SORCS3: variants seen among roughly 807,000 people sequenced by gnomAD.
SORCS3 encodes sortilin related VPS10 domain containing receptor 3, also known as VPS10 domain-containing receptor SorCS3.
SORCS3 carries 57 observed loss-of-function variants against 146.3 expected under a neutral mutation model. The ratio of observed to expected loss-of-function variants is 0.39; its 90% CI spans 0.31 to 0.49. The LOEUF is 0.49. SORCS3 is among the 20% of genes least tolerant of loss of function. SORCS3 has a pLI of 0.92. For synonymous variants in SORCS3, 653 were observed against 618.5 expected, an observed-to-expected ratio of 1.06 and a Z score of -0.83; for missense variants, 1,341 against 1,575.5, an observed-to-expected ratio of 0.85 and a Z score of 2.52.
intron 7 of SORCS3, among the ~76,000 whole-genome samples, chr10:105,108,019 T>C (rs1463847024): frequency 6.9e-6 from 1 of 144,778 alleles, no homozygotes; most frequent in African/African-American, 2.5e-5. Context: ...CTAGAAACAG[T>C]GTTATATGAA....
intron 2 of SORCS3, among the ~76,000 whole-genome samples, chr10:104,910,399 G>T (rs1414092519): frequency 6.6e-6 from 1 of 152,134 alleles, no homozygotes; most frequent in Admixed American, 6.5e-5. Context: ...AATGTTTGTT[G>T]TAACATTGTT....
chr10:104,764,040 C>G (rs1295917057), intron 1 of SORCS3, among the ~76,000 whole-genome samples: 1 of 146,718 alleles, frequency 6.8e-6, no homozygotes, highest in African/African-American at 2.6e-5. Context: ...GTGGAAGGTA[C>G]TGGTAATTCA....
rs554258386 is a variant in SORCS3, at chr10:105,031,799, C to T, written c.955-11256C>T. ...CTGAAAACAGTTATAAACATCTTTC[C>T]TTATTGTTCAGTCTTCTCTACCAGC... is the stretch of plus-strand genomic sequence containing the variant. On this transcript the variant is annotated intron_variant, in intron 4 of 26. Coordinates refer to ENST00000369701, the MANE Select transcript of SORCS3 (RefSeq NM_014978.3). Among the ~76,000 whole-genome samples the T allele has an allele frequency of 6.6e-5, 10 of 152,308 alleles. No homozygotes were observed. The South Asian group carries it at 1.0e-3, about 16-fold the overall frequency.
intron 1 of SORCS3, among the ~76,000 whole-genome samples, chr10:104,826,054 G>C (rs1422871778): frequency 6.6e-6 from 1 of 152,030 alleles, no homozygotes; most frequent in Non-Finnish European, 1.5e-5. Context: ...CTCTCCCTTG[G>C]ATCCCCTTGG....
intron 7 of SORCS3, among the ~76,000 whole-genome samples, chr10:105,129,408 A>C: frequency 6.8e-6 from 1 of 146,540 alleles, no homozygotes. Context: ...ATTTTTGAGC[A>C]CAGAGAGGGG....
At chr10:104,809,177 AT>A (rs1275554992) in intron 1 of SORCS3, among the ~76,000 whole-genome samples, 1 of 152,210 alleles carries the variant, frequency 6.6e-6, no homozygotes, top group Non-Finnish European at 1.5e-5. Context: ...GAAATAGCCT[AT>A]TTGTCATTCA....
At chr10:105,147,886 C>T (rs1310951869) in intron 9 of SORCS3, 90 bp downstream of exon 9, 6 of 1,117,272 alleles carry the variant, frequency 5.4e-6, no homozygotes, top group Non-Finnish European at 7.7e-6. Context: ...GTTCTGGGTT[C>T]AGATTCCAGC....
At chr10:104,988,063 A>C (rs1287128777) in intron 4 of SORCS3, among the ~76,000 whole-genome samples, 1 of 152,198 alleles carries the variant, frequency 6.6e-6, no homozygotes, top group Non-Finnish European at 1.5e-5. Flanking sequence ...TTGAATTTTC[A>C]TAAGCAGCTG....
intron 2 of SORCS3, among the ~76,000 whole-genome samples, chr10:104,868,287 T>C (rs2018481120): frequency 6.6e-6 from 1 of 152,220 alleles, no homozygotes; most frequent in Admixed American, 6.5e-5. Context: ...TAACACATCA[T>C]TGAGAAACAC....
chr10:105,079,267 C>G (rs1353664488), intron 5 of SORCS3, among the ~76,000 whole-genome samples: 1 of 152,144 alleles, frequency 6.6e-6, no homozygotes, highest in Non-Finnish European at 1.5e-5. Context: ...TCCAGGATTT[C>G]TGGAAGTAGG....
At chr10:104,915,141 T>C (rs1022691952) in intron 2 of SORCS3, among the ~76,000 whole-genome samples, 1 of 152,070 alleles carries the variant, frequency 6.6e-6, no homozygotes, top group Non-Finnish European at 1.5e-5. Context: ...GGTTTTGGCA[T>C]AGGTCAGTGT....
chr10:105,105,583 G>A (rs1256502950), intron 7 of SORCS3, 68 bp downstream of exon 7: 1 of 1,106,884 alleles, frequency 9.0e-7, no homozygotes, highest in Admixed American at 1.7e-5. Flanking sequence ...GCTAGGAAAA[G>A]GAGGGTGGCT....
chr10:104,757,305 C>T (rs546583434), intron 1 of SORCS3, among the ~76,000 whole-genome samples: 69 of 152,242 alleles, frequency 4.5e-4, no homozygotes, highest in South Asian at 8.3e-4. Flanking sequence ...TCTGCTGGTC[C>T]GGTCAGCAAT....
intron 1 of SORCS3, among the ~76,000 whole-genome samples, chr10:104,742,889 A>G (rs1300352207): frequency 6.6e-6 from 1 of 152,198 alleles, no homozygotes; most frequent in African/African-American, 2.4e-5. Context: ...GGCCACAAAG[A>G]GACCAGGAGC....
chr10:104,919,739 G>A (rs947207735), intron 3 of SORCS3, among the ~76,000 whole-genome samples: 4 of 151,968 alleles, frequency 2.6e-5, no homozygotes, highest in South Asian at 2.1e-4. Context: ...ATGATCTAAA[G>A]TGCTTTCCTC....
chr10:104,750,184 G>A (rs938143873), intron 1 of SORCS3, among the ~76,000 whole-genome samples: 4 of 152,128 alleles, frequency 2.6e-5, no homozygotes, highest in Non-Finnish European at 5.9e-5. Context: ...GGGCTACTAA[G>A]ATAATGAAGA....
intron 20 of SORCS3, among the ~76,000 whole-genome samples, chr10:105,242,687 CATTTATATACATTTATATATTTATAT>C (rs2056839183): frequency 4.0e-5 from 3 of 74,148 alleles, no homozygotes; most frequent in African/African-American, 1.6e-4. Flanking sequence ...TATTTATATA[CATTTATATACATTTATATATTTATAT>C]ATTTATATAC....
At chr10:104,750,668 A>T (rs2016973014) in intron 1 of SORCS3, among the ~76,000 whole-genome samples, 1 of 152,214 alleles carries the variant, frequency 6.6e-6, no homozygotes, top group Non-Finnish European at 1.5e-5. Flanking sequence ...TAGACTAGAG[A>T]TCTGGGCCAA....
intron 7 of SORCS3, among the ~76,000 whole-genome samples, chr10:105,137,510 C>A (rs2056067194): frequency 6.6e-6 from 1 of 151,762 alleles, no homozygotes; most frequent in South Asian, 2.1e-4. Flanking sequence ...AAAAAAACCC[C>A]ACCTTTCTCA....
Sources: allele counts gnomAD v4.1 joint callset (sites outside exome capture counted in the v4.1 genomes callset), GRCh38; gene constraint gnomAD v4.1.1; transcripts MANE v1.5; gene names NCBI Gene and HGNC (gene_info 2026-07-23, HGNC 2026-07-21).